ZNF750: variants seen among roughly 807,000 people sequenced by gnomAD.
The protein encoded by ZNF750 is protein ZNF750.
In ZNF750, 10 loss-of-function variants were observed where a neutral mutation model predicts 31.6. That is an observed-to-expected ratio of 0.32 (90% CI 0.19 to 0.54). The LOEUF (loss-of-function observed/expected upper bound fraction) is 0.54. ZNF750 is among the 20% of genes least tolerant of loss of function. The pLI is 0.95. For synonymous variants in ZNF750, 400 were observed against 404.9 expected (o/e 0.99, Z 0.15); for missense variants, 914 against 934.9 (o/e 0.98, Z 0.29).
At chr17:82,834,474 T>C (rs1467694520) in intron 1 of ZNF750, among the ~76,000 whole-genome samples, 2 of 152,232 alleles carry the variant, frequency 1.3e-5, no homozygotes, top group Non-Finnish European at 2.9e-5. Context: ...CCCAAATGCC[T>C]ATCAGTGATA....
chr17:82,839,298 T>TA (rs1448838979), intron 1 of ZNF750, among the ~76,000 whole-genome samples: 5 of 152,134 alleles, frequency 3.3e-5, no homozygotes, highest in African/African-American at 1.2e-4. Context: ...CTGATGTACT[T>TA]ATACCACACA....
chr17:82,830,484 TG>T lies in ZNF750; in HGVS notation c.1829del (p.Pro610HisfsTer61). On this transcript the variant is annotated frameshift_variant, in exon 3 of 3. Transcript: ENST00000269394. LOFTEE classifies it low-confidence loss of function (END_TRUNC). Reference protein sequence around the residue: ...KPGSLDGDGAPPTGPGEEAPD... With the variant: ...KPGSLDGDGAXPTGPGEEAPD... ...GAGCCTCCTCGCCGGGGCCTGTGGG[TG>T]GGGCCCCGTCACCGTCGAGGCTGCC... 6.2e-7 allele frequency: 1 copy of T among 1,613,110 alleles called. No individual in the cohort carries two copies.
rs774672020 is a variant in ZNF750 at position 82,831,772 on chromosome 17, A to G, written c.683T>C (p.Leu228Pro). ...GTGCATGTAAGGGGAAATGGCCCCA[A>G]GCCCCTTTGTAGATGAGATTTTATG... ...FPHKISSTKG[L>P]GAISPYMHPT... Residue 228 changes from leucine to proline, a missense_variant, in exon 2 of 3, where the codon CTT becomes CCT. Around this residue, in one of 2 missense-constraint regions of ZNF750, gnomAD observed 880 missense variants for 868.9 expected, o/e 1.01. Transcript: ENST00000269394. The surrounding 1 kb of genome is among the most constrained non-coding windows in gnomAD (Gnocchi z 4.6). The G allele has an allele frequency of 5.6e-6, 9 of 1,614,102 alleles. No homozygotes were observed. Among genetic ancestry groups the G allele is most frequent in the African/African-American group, 5.3e-5 (4 of 74,934 alleles).
chr17:82,830,536 C>G lies in ZNF750; in HGVS notation c.1778G>C (p.Gly593Ala), dbSNP rs769518317. The change falls in exon 3 of 3, where the codon GGG becomes GCG. Residue 593 changes from glycine (G) to alanine (A), a missense_variant. Around this residue, in one of 2 missense-constraint regions of ZNF750, gnomAD observed 880 missense variants for 868.9 expected, o/e 1.01. Coordinates refer to ENST00000269394, the MANE Select transcript of ZNF750 (RefSeq NM_024702.3). ...TGGCTTGGTCTCAGGGTGGCTGGGC[C>G]CATCCTCAGAACCTTCTGTCCCAGT... ...QKTGTEGSED[G>A]PSHPETKPGS... 3 of 1,614,108 alleles carry G rather than the reference C, an allele frequency of 1.9e-6. No homozygotes were observed. Among genetic ancestry groups the G allele is most frequent in the South Asian group, 2.2e-5 (2 of 91,090 alleles).
chr17:82,834,362 A>G (rs1384549646), intron 1 of ZNF750, among the ~76,000 whole-genome samples: 17 of 152,220 alleles, frequency 1.1e-4, no homozygotes, highest in South Asian at 2.1e-4. Flanking sequence ...TGGAGGTGCA[A>G]TGGATCAAGG....
rs779153725 is a variant in ZNF750, at chr17:82,830,238, T to C, written c.2076A>G (p.Leu692=). The C allele has an allele frequency of 2.7e-5, 44 of 1,614,118 alleles. No homozygotes were observed. Among genetic ancestry groups the C allele is most frequent in the Non-Finnish European group, 3.6e-5 (42 of 1,180,046 alleles). The change falls in exon 3 of 3, where the codon CTA becomes CTG. Residue 692 remains leucine, a synonymous_variant. Transcript: ENST00000269394. ...LRPKGQKRTS[L]RDAGKSQQGA... ...CTTGCTGGGATTTTCCAGCATCCCTTAGACTTGTCCTCTTTTGTCCTTTGG... is the reference window on the plus strand; with the variant it reads ...CTTGCTGGGATTTTCCAGCATCCCTCAGACTTGTCCTCTTTTGTCCTTTGG...
chr17:82,832,579 A>C lies in ZNF750; in HGVS notation c.-125T>G. 1 of 844,460 alleles carries C rather than the reference A, an allele frequency of 1.2e-6. No individual in the cohort carries two copies. The highest frequency in any genetic ancestry group is 1.4e-5 in the South Asian group (1 of 69,686). The allele number at this position is 844,460 out of a possible 1,614,324, so 52.3% of individuals were successfully genotyped here. A position where few individuals can be genotyped will look rare whatever the true frequency, so the allele number is the denominator to read the frequency against. On this transcript the variant is annotated 5_prime_UTR_variant, in exon 2 of 3. Coordinates refer to ENST00000269394, the MANE Select transcript of ZNF750 (RefSeq NM_024702.3). This position sits in a 1 kb window ranked among gnomAD's most constrained non-coding sequence, Gnocchi z 4.9. Reference sequence around the variant, plus strand: ...TTTCTTTCCCGATCACTTCTATCAGAAGCCAGCTCTGCGTGCTGAGGGTCT... The same window carrying C: ...TTTCTTTCCCGATCACTTCTATCAGCAGCCAGCTCTGCGTGCTGAGGGTCT...
intron 1 of ZNF750, 150 bp downstream of exon 1, chr17:82,839,777 T>C (rs1598844293): frequency 6.6e-6 from 1 of 152,246 alleles, no homozygotes; most frequent in East Asian, 1.9e-4. Context: ...ATCCCAGCCA[T>C]GCACCTGCTG....
In ZNF750 at chr17:82,832,654, C is replaced by A; in HGVS notation, c.-182-18G>T. On this transcript the variant is annotated intron_variant, in intron 1 of 2. Coordinates refer to ENST00000269394, the MANE Select transcript of ZNF750 (RefSeq NM_024702.3). The surrounding 1 kb of genome is among the most constrained non-coding windows in gnomAD (Gnocchi z 4.9). ...GCTGGGAGCTGTAATAAAGAGCAGT[C>A]TTGGTGTCAGGACAGCGAGTGAGGG... The A allele has an allele frequency of 1.6e-6, 1 of 620,150 alleles. No homozygotes were observed. Among genetic ancestry groups the A allele is most frequent in the Non-Finnish European group, 2.8e-6 (1 of 351,770 alleles). 38.4% of individuals were successfully genotyped at this position (620,150 alleles called of 1,614,324 possible).
chr17:82,838,098 G>A (rs1008181919), intron 1 of ZNF750, among the ~76,000 whole-genome samples: 7 of 152,248 alleles, frequency 4.6e-5, no homozygotes, highest in African/African-American at 2.4e-5. Flanking sequence ...CCTGCTCAAC[G>A]TGCACTGGGC....
At chr17:82,839,425 G>A (rs1438239165) in intron 1 of ZNF750, among the ~76,000 whole-genome samples, 1 of 148,408 alleles carries the variant, frequency 6.7e-6, no homozygotes, top group East Asian at 2.0e-4. Context: ...CAGCCCTAAT[G>A]TACATACACC....
rs1270116419 is a variant in ZNF750, at chr17:82,833,117, T to C, written c.-182-481A>G. On this transcript the variant is annotated intron_variant, in intron 1 of 2. Coordinates refer to ENST00000269394, the MANE Select transcript of ZNF750 (RefSeq NM_024702.3). The surrounding 1 kb of genome is among the most constrained non-coding windows in gnomAD (Gnocchi z 4.7). ...AGTGGGTGTGTGATCGGCCACACTC[T>C]CACGTGAAATACGAAGGGGTTTGTG... Among the ~76,000 whole-genome samples the C allele has an allele frequency of 6.6e-6, 1 of 152,078 alleles. No homozygotes were observed. The highest frequency in any genetic ancestry group is 2.4e-5 in the African/African-American group (1 of 41,412).
chr17:82,837,321 T>G (rs1398998383), intron 1 of ZNF750, among the ~76,000 whole-genome samples: 1 of 152,224 alleles, frequency 6.6e-6, no homozygotes, highest in Non-Finnish European at 1.5e-5. Flanking sequence ...GGTCAGTTTC[T>G]ACCAGCCCGA....
Position 82,835,984 on chromosome 17 carries a change from C to T in ZNF750, c.-182-3348G>A, listed in dbSNP as rs1204546225. Among the ~76,000 whole-genome samples, 6 of 152,166 alleles carry T rather than the reference C, an allele frequency of 3.9e-5. No individual in the cohort carries two copies. The highest frequency in any genetic ancestry group is 7.3e-5 in the Non-Finnish European group (5 of 68,032). ...ACACCCTGGGCTCAGACCCCGCGCTCAGCACCCGTCTCCCACCGTGGGCTG... is the reference window on the plus strand; with the variant it reads ...ACACCCTGGGCTCAGACCCCGCGCTTAGCACCCGTCTCCCACCGTGGGCTG... On this transcript the variant is annotated intron_variant, in intron 1 of 2. Coordinates refer to ENST00000269394, the MANE Select transcript of ZNF750 (RefSeq NM_024702.3). The surrounding 1 kb of genome is among the most constrained non-coding windows in gnomAD (Gnocchi z 4.5).
chr17:82,832,328 G>T lies in ZNF750; in HGVS notation c.127C>A (p.His43Asn). Residue 43 changes from histidine to asparagine, a missense_variant, in exon 2 of 3, where the codon CAC becomes AAC. Coordinates refer to ENST00000269394, the MANE Select transcript of ZNF750 (RefSeq NM_024702.3). The surrounding 1 kb of genome is among the most constrained non-coding windows in gnomAD (Gnocchi z 4.9). ...TTTTTACAAAGACCATACTTCATGT[G>T]ATTAAAAAGATGTGACTTCTCATTG... ...TCNEKSHLFN[H>N]MKYGLCKNSI... The T allele has an allele frequency of 6.2e-7, 1 of 1,614,220 alleles. No homozygotes were observed. The highest frequency in any genetic ancestry group is 8.5e-7 in the Non-Finnish European group (1 of 1,180,030).
chr17:82,830,913 G>A (rs756338989), intron 2 of ZNF750, 36 bp from the exon 3 acceptor site: 3 of 1,612,872 alleles, frequency 1.9e-6, no homozygotes, highest in Non-Finnish European at 2.5e-6. Flanking sequence ...GTAGGAGCTT[G>A]CTTAGAAAAG....
At position 82,830,352 on chromosome 17, in the gene ZNF750, C is replaced by G. The variant is rs2053370784; in HGVS notation, c.1962G>C (p.Gly654=). 1.2e-6 allele frequency: 2 copies of G among 1,613,598 alleles called. No individual in the cohort carries two copies. The highest frequency in any genetic ancestry group is 4.5e-5 in the East Asian group (2 of 44,888). The part of the protein sequence containing the change: ...YSPRNIRVGD[G]DAAAPEPACR... Reference sequence around the variant, plus strand: ...AGGCAGGTTCCGGGGCCGCAGCATCCCCATCGCCCACCCGGATGTTCCTGG... The same window carrying G: ...AGGCAGGTTCCGGGGCCGCAGCATCGCCATCGCCCACCCGGATGTTCCTGG... The change falls in exon 3 of 3, where the codon GGG becomes GGC. Residue 654 remains glycine, a synonymous_variant. Transcript: ENST00000269394.
In ZNF750 at chr17:82,831,455, T is replaced by C. The variant is rs771302178; in HGVS notation, c.1000A>G (p.Arg334Gly). Residue 334 changes from arginine (R) to glycine (G), a missense_variant, in exon 2 of 3, where the codon AGA becomes GGA. Coordinates refer to ENST00000269394, the MANE Select transcript of ZNF750 (RefSeq NM_024702.3). The surrounding 1 kb of genome is among the most constrained non-coding windows in gnomAD (Gnocchi z 4.6). ...PESAFSSYGLRLPPVTGLTRD... is the reference protein window; with the variant it reads ...PESAFSSYGLGLPPVTGLTRD... ...GTGAGGCCAGTGACAGGTGGGAGTC[T>C]GAGACCATAGGAGGAAAATGCAGAC... 1 of 1,614,162 alleles carries C rather than the reference T, an allele frequency of 6.2e-7. No individual in the cohort carries two copies. Among genetic ancestry groups the C allele is most frequent in the Non-Finnish European group, 8.5e-7 (1 of 1,180,026 alleles).
At chr17:82,838,795 C>T (rs8069699) in intron 1 of ZNF750, 427,389 of 985,114 alleles carry the variant, frequency 0.43, 92,882 homozygotes, top group East Asian at 0.54. Flanking sequence ...GGGCTCTTAA[C>T]TCTAGTTTCG....
Sources: gnomAD v4.1 joint callset for allele counts (sites outside exome capture counted in the v4.1 genomes callset) on GRCh38, gnomAD v4.1.1 for gene constraint, gnomAD v4.1.1 regional missense constraint, Gnocchi (gnomAD v3.1) non-coding constraint, MANE v1.5 for transcripts, NCBI Gene and HGNC (gene_info 2026-07-23, HGNC 2026-07-21) for gene names.